Variants in GPC6 observed in about 807,000 individuals in gnomAD.
GPC6 encodes glypican-6.
A neutral mutation model predicts 55.2 loss-of-function variants in GPC6; 14 were observed. The observed-to-expected ratio is 0.25, with a 90% CI of 0.17 to 0.40. The LOEUF is 0.40. Among genes scored for constraint, GPC6 ranks in the 10% least tolerant of loss-of-function variants. The probability of loss-of-function intolerance (pLI) is 1.00; values close to 1 mark genes in which losing one functional copy is unlikely to be tolerated. For missense variants in GPC6, 641 were observed against 708.5 expected (o/e 0.90, Z 1.08); for synonymous variants, 278 against 259.6 (o/e 1.07, Z -0.68).
chr13:94,365,684 C>T (rs1879255674), intron 6 of GPC6, among the ~76,000 whole-genome samples: 1 of 152,174 alleles, frequency 6.6e-6, no homozygotes, highest in Non-Finnish European at 1.5e-5. Context: ...ATCTAAATTA[C>T]TTTTCCAATG....
intron 4 of GPC6, among the ~76,000 whole-genome samples, chr13:94,280,851 T>C (rs1410926215): frequency 6.6e-6 from 1 of 152,156 alleles, no homozygotes; most frequent in East Asian, 1.9e-4. Context: ...TGCTTACAGA[T>C]TTCATTTTTC....
rs190656524 is a variant in GPC6 at position 93,929,548 on chromosome 13, G to T, written c.712-98181G>T. Among the ~76,000 whole-genome samples the T allele has an allele frequency of 2.7e-3, 405 of 152,120 alleles. 15 individuals are homozygous for T. Among genetic ancestry groups the T allele is most frequent in the Admixed American group, 0.026 (399 of 15,284 alleles). ...GTTTATGACCTGGGTTTTAGAACTT[G>T]GGATCTACTATTTGCCCTACATTTA... is the stretch of plus-strand genomic sequence containing the variant. On this transcript the variant is annotated intron_variant, in intron 3 of 8. Transcript: ENST00000377047.
chr13:93,304,017 C>T (rs908835216), intron 1 of GPC6, among the ~76,000 whole-genome samples: 1 of 151,780 alleles, frequency 6.6e-6, no homozygotes, highest in Non-Finnish European at 1.5e-5. Context: ...TACAGGTGCT[C>T]ACCACCATGC....
rs9589799 is a variant in GPC6 at position 93,631,763 on chromosome 13, A to G, written c.319+86342A>G. On this transcript the variant is annotated intron_variant, in intron 2 of 8. Transcript: ENST00000377047. ...GTATGTGTTCCCCATGGCATCTAGC[A>G]TACTTCCTCAAACTCAGAAGTTAGT... Among the ~76,000 whole-genome samples the G allele has an allele frequency of 0.017, 2,571 of 152,312 alleles. 63 individuals carry two copies. The highest frequency in any genetic ancestry group is 0.057 in the African/African-American group (2,378 of 41,578).
At chr13:93,928,856 T>TACACACACACACACACACACAC (rs10642875) in intron 3 of GPC6, among the ~76,000 whole-genome samples, 2 of 142,896 alleles carry the variant, frequency 1.4e-5, no homozygotes, top group Non-Finnish European at 3.0e-5. Flanking sequence ...CCCTGTGTGT[T>TACACACACACACACACACACAC]ACACACACAC....
chr13:93,659,423 A>G (rs1880825427), intron 2 of GPC6, among the ~76,000 whole-genome samples: 1 of 152,008 alleles, frequency 6.6e-6, no homozygotes. Context: ...TTTTAGTACC[A>G]AAAGTCATGA....
chr13:94,017,468 A>G (rs1301854008), intron 3 of GPC6, among the ~76,000 whole-genome samples: 1 of 152,144 alleles, frequency 6.6e-6, no homozygotes, highest in Admixed American at 6.5e-5. Flanking sequence ...AGTCCCACTT[A>G]TAAAACCATC....
intron 1 of GPC6, among the ~76,000 whole-genome samples, chr13:93,477,152 T>C (rs566931289): frequency 6.6e-6 from 1 of 152,248 alleles, no homozygotes; most frequent in South Asian, 2.1e-4. Context: ...ATGTTTAACA[T>C]TATTTATATT....
intron 1 of GPC6, among the ~76,000 whole-genome samples, chr13:93,492,334 G>A (rs1376783523): frequency 7.4e-6 from 1 of 134,272 alleles, no homozygotes; most frequent in Non-Finnish European, 1.6e-5. Context: ...TCTGTTGTTG[G>A]TGTATAAGAA....
intron 2 of GPC6, among the ~76,000 whole-genome samples, chr13:93,820,407 AG>A (rs1887003889): frequency 6.6e-6 from 1 of 152,054 alleles, no homozygotes; most frequent in Admixed American, 6.6e-5. Context: ...TATAATACAA[AG>A]TGATCCTTGG....
intron 6 of GPC6, among the ~76,000 whole-genome samples, chr13:94,373,031 CAGAA>C (rs1374072182): frequency 6.6e-6 from 1 of 152,208 alleles, no homozygotes; most frequent in African/African-American, 2.4e-5. Flanking sequence ...AACTAAAAAA[CAGAA>C]AGGACATCCA....
chr13:93,538,274 G>T (rs780328771), intron 1 of GPC6, among the ~76,000 whole-genome samples: 3 of 152,130 alleles, frequency 2.0e-5, no homozygotes, highest in Non-Finnish European at 4.4e-5. Context: ...CTCCATGTGT[G>T]TAGAAGTTTA....
At chr13:93,911,894 T>C (rs550355843) in intron 3 of GPC6, among the ~76,000 whole-genome samples, 4 of 152,202 alleles carry the variant, frequency 2.6e-5, no homozygotes, top group Non-Finnish European at 5.9e-5. Context: ...ATGAGAACAG[T>C]ATGCAGAAAG....
chr13:94,272,476 T>C (rs529981737), intron 4 of GPC6, among the ~76,000 whole-genome samples: 1 of 137,668 alleles, frequency 7.3e-6, no homozygotes, highest in Non-Finnish European at 1.5e-5. Context: ...TTTTTTTTTT[T>C]TTTTTTTTTT....
Position 93,469,115 on chromosome 13 carries a change from A to G in GPC6, c.161-76148A>G, listed in dbSNP as rs116387362. On this transcript the variant is annotated intron_variant, in intron 1 of 8. Coordinates refer to ENST00000377047, the MANE Select transcript of GPC6 (RefSeq NM_005708.5). ...TACCTAAGACCTTAACAAAAATATC[A>G]TAATGAAGCTGAATATTATGTATTT... Among the ~76,000 whole-genome samples, 640 of 152,328 alleles carry G rather than the reference A, an allele frequency of 4.2e-3. 3 individuals are homozygous for G. The highest frequency in any genetic ancestry group is 0.014 in the African/African-American group (591 of 41,576).
At chr13:94,019,621 T>A (rs979707777) in intron 3 of GPC6, among the ~76,000 whole-genome samples, 5 of 152,208 alleles carry the variant, frequency 3.3e-5, no homozygotes, top group African/African-American at 1.2e-4. Context: ...TGTCTCTGAG[T>A]GTCCTTTTCT....
intron 2 of GPC6, among the ~76,000 whole-genome samples, chr13:93,599,340 T>C (rs1468278962): frequency 1.3e-5 from 2 of 151,568 alleles, no homozygotes; most frequent in African/African-American, 4.8e-5. Flanking sequence ...AAAAGTAACG[T>C]TGCTGAGATT....
chr13:93,835,724 C>G (rs938955564), intron 3 of GPC6, among the ~76,000 whole-genome samples: 8 of 152,054 alleles, frequency 5.3e-5, no homozygotes, highest in Admixed American at 2.0e-4. Flanking sequence ...TGCACTCCAA[C>G]CTGGCCAACA....
intron 3 of GPC6, among the ~76,000 whole-genome samples, chr13:93,899,422 T>C (rs1306269625): frequency 6.8e-6 from 1 of 147,658 alleles, no homozygotes; most frequent in African/African-American, 2.5e-5. Flanking sequence ...GAAGGATGGG[T>C]AAGAAGACAT....
Sources: gnomAD v4.1 joint callset for allele counts (sites outside exome capture counted in the v4.1 genomes callset) on GRCh38, gnomAD v4.1.1 for gene constraint, MANE v1.5 for transcripts, NCBI Gene and HGNC (gene_info 2026-07-23, HGNC 2026-07-21) for gene names.